The following MYO18B variants were observed in gnomAD, a reference collection of about 807,000 sequenced individuals.
MYO18B encodes the protein unconventional myosin-XVIIIb.
In MYO18B, 204 loss-of-function variants were observed where a neutral mutation model predicts 273.0. The observed-to-expected ratio is 0.75, with a 90% CI of 0.67 to 0.84. MYO18B has a LOEUF of 0.84. Ranked by LOEUF, MYO18B falls within the 40% of genes least tolerant of loss-of-function variation. The probability of loss-of-function intolerance (pLI) is 0.00; values close to 1 mark genes in which losing one functional copy is unlikely to be tolerated. For missense variants in MYO18B, 3,212 were observed against 3,287.6 expected, an observed-to-expected ratio of 0.98 and a Z score of 0.56; for synonymous variants, 1,330 against 1,305.7, an observed-to-expected ratio of 1.02 and a Z score of -0.40.
In MYO18B at chr22:25,999,416, T is replaced by A. The variant is rs1933677257; in HGVS notation, c.6288-3849T>A. Among the ~76,000 whole-genome samples the A allele has an allele frequency of 2.6e-5, 4 of 152,182 alleles. No individual in the cohort carries two copies. In the South Asian group the frequency reaches 8.3e-4, roughly 32 times the overall value. Reference sequence around the variant, plus strand: ...TAGACTGGAATTGTCTGGCAAAGACTGACCCTAAAGAAGTACAGCTGAAGA... The same window carrying A: ...TAGACTGGAATTGTCTGGCAAAGACAGACCCTAAAGAAGTACAGCTGAAGA... On this transcript the variant is annotated intron_variant, in intron 40 of 43. Coordinates refer to ENST00000335473, the MANE Select transcript of MYO18B (RefSeq NM_032608.7).
At chr22:25,999,124 A>T (rs950739453) in intron 40 of MYO18B, among the ~76,000 whole-genome samples, 5 of 152,232 alleles carry the variant, frequency 3.3e-5, no homozygotes, top group African/African-American at 1.2e-4. Context: ...CAGTTTGCAG[A>T]TGAAGAAACT....
chr22:25,969,475 A>G (rs773132002), intron 39 of MYO18B, among the ~76,000 whole-genome samples: 1 of 152,208 alleles, frequency 6.6e-6, no homozygotes, highest in Non-Finnish European at 1.5e-5. Flanking sequence ...ATAAAGTTTT[A>G]TTAAGACATA....
chr22:25,803,847 C>T (rs1055516137), intron 12 of MYO18B, among the ~76,000 whole-genome samples: 6 of 152,044 alleles, frequency 3.9e-5, no homozygotes, highest in Non-Finnish European at 7.4e-5. Context: ...TAAACCAGTC[C>T]TCTGGGTCTG....
chr22:26,042,446 G>A, the MYO18B span, among the ~76,000 whole-genome samples: 1 of 152,210 alleles, frequency 6.6e-6, no homozygotes, highest in Non-Finnish European at 1.5e-5. Context: ...CTGTTTGGGG[G>A]AGCCCAGTGG....
At chr22:25,927,073 G>A (rs898554458) in intron 34 of MYO18B, among the ~76,000 whole-genome samples, 16 of 152,114 alleles carry the variant, frequency 1.1e-4, no homozygotes, top group African/African-American at 3.1e-4. Flanking sequence ...GATGTATATC[G>A]CCTCAGGACC....
Position 26,027,768 on chromosome 22 carries a change from C to T in MYO18B, c.*12+78C>T. On this transcript the variant is annotated intron_variant, in intron 43 of 43. Coordinates refer to ENST00000335473, the MANE Select transcript of MYO18B (RefSeq NM_032608.7). The surrounding 1 kb of genome is among the most constrained non-coding windows in gnomAD (Gnocchi z 4.1). The stretch of plus-strand genomic sequence containing the variant: ...GCCTTGGGGAGAGCAGGTGCCACTA[C>T]TGTCCTTAATGCCACAACCGATTTC... 1 of 1,413,276 alleles carries T rather than the reference C, an allele frequency of 7.1e-7. No individual in the cohort carries two copies. The highest frequency in any genetic ancestry group is 9.4e-7 in the Non-Finnish European group (1 of 1,063,592). The allele number at this position is 1,413,276 out of a possible 1,614,324, so 87.5% of individuals were successfully genotyped here.
At chr22:25,795,374 T>C (rs1321973193) in intron 11 of MYO18B, among the ~76,000 whole-genome samples, 2 of 152,242 alleles carry the variant, frequency 1.3e-5, no homozygotes, top group Non-Finnish European at 2.9e-5. Context: ...TTGATCCATG[T>C]CTTCTGTTCA....
At position 26,022,782 on chromosome 22, in the gene MYO18B, A is replaced by C. The variant is rs189169847; in HGVS notation, c.6471-3663A>C. 2.2e-4 allele frequency among the ~76,000 whole-genome samples: 33 copies of C among 152,330 alleles called. No individual in the cohort carries two copies. The East Asian group carries it at 4.8e-3, about 22-fold the overall frequency. On this transcript the variant is annotated intron_variant, in intron 42 of 43. Coordinates refer to ENST00000335473, the MANE Select transcript of MYO18B (RefSeq NM_032608.7). ...CCCCATGACAGCCAGGCTAGGCCTGAGTGGCTGTGCTGGGACATCTTGGCT... is the reference window on the plus strand; with the variant it reads ...CCCCATGACAGCCAGGCTAGGCCTGCGTGGCTGTGCTGGGACATCTTGGCT...
chr22:25,779,525 C>T (rs980016550), intron 8 of MYO18B, among the ~76,000 whole-genome samples: 1 of 152,212 alleles, frequency 6.6e-6, no homozygotes, highest in African/African-American at 2.4e-5. Flanking sequence ...TGGGAAGAGG[C>T]ACAGTCTCTC....
chr22:25,795,112 A>AGC (rs2087852789), intron 11 of MYO18B, among the ~76,000 whole-genome samples: 2 of 152,138 alleles, frequency 1.3e-5, no homozygotes, highest in Non-Finnish European at 1.5e-5. Context: ...ATTGCTGTGT[A>AGC]GTGCTCCATC....
intron 36 of MYO18B, among the ~76,000 whole-genome samples, chr22:25,948,889 T>G (rs1394511759): frequency 1.3e-5 from 2 of 151,786 alleles, no homozygotes; most frequent in Non-Finnish European, 2.9e-5. Flanking sequence ...TGGATGGAGA[T>G]CTGAACAAAG....
intron 12 of MYO18B, among the ~76,000 whole-genome samples, chr22:25,817,537 C>T (rs1317636637): frequency 6.6e-6 from 1 of 151,860 alleles, no homozygotes; most frequent in Non-Finnish European, 1.5e-5. Context: ...CAGCCTGCCT[C>T]TTACCAAAGG....
rs369597886 is a variant in MYO18B at position 25,792,643 on chromosome 22, C to T, written c.2377-5310C>T. On this transcript the variant is annotated intron_variant, in intron 11 of 43. Coordinates refer to ENST00000335473, the MANE Select transcript of MYO18B (RefSeq NM_032608.7). ...CCTAGGAGCTGGGACTATAGGTGCG[C>T]GCCACCATGCCCAGCTAATTTTTTT... 1.4e-3 allele frequency among the ~76,000 whole-genome samples: 213 copies of T among 151,730 alleles called. 9 individuals carry two copies. The South Asian group carries it at 0.042, about 30-fold the overall frequency.
intron 1 of MYO18B, among the ~76,000 whole-genome samples, chr22:25,755,395 G>A (rs576629549): frequency 1.3e-5 from 2 of 152,202 alleles, no homozygotes; most frequent in East Asian, 3.9e-4. Context: ...TAGTAGAGAC[G>A]AGCTTTCTCC....
intron 39 of MYO18B, among the ~76,000 whole-genome samples, chr22:25,986,002 G>A (rs1300827906): frequency 2.6e-5 from 4 of 152,152 alleles, no homozygotes; most frequent in Non-Finnish European, 4.4e-5. Context: ...AGTGACCCTC[G>A]GACAATTTGA....
chr22:25,801,139 G>T (rs1466921397), intron 12 of MYO18B, among the ~76,000 whole-genome samples: 1 of 151,934 alleles, frequency 6.6e-6, no homozygotes, highest in African/African-American at 2.4e-5. Context: ...TCATTAATCA[G>T]GTTTTTTTTT....
downstream of MYO18B, among the ~76,000 whole-genome samples, chr22:26,032,430 G>A (rs189163306): frequency 5.3e-5 from 8 of 151,522 alleles, no homozygotes; most frequent in South Asian, 4.2e-4. Context: ...CACCTCTGGC[G>A]TCTCTCTGTG....
chr22:26,017,100 A>C (rs1180107726), intron 42 of MYO18B, among the ~76,000 whole-genome samples: 59 of 90,400 alleles, frequency 6.5e-4, no homozygotes, highest in African/African-American at 1.8e-3. Context: ...TCCCTCCCTC[A>C]CTCACTCACT....
In MYO18B at chr22:25,843,719, C is replaced by A; in HGVS notation, c.3209-16C>A. Reference sequence around the variant, plus strand: ...TCAACAGGCTCCAGCACTCATGCCACCATGTCTGTTTCCAGGGTCCTCTGC... The same window carrying A: ...TCAACAGGCTCCAGCACTCATGCCAACATGTCTGTTTCCAGGGTCCTCTGC... On this transcript the variant is annotated splice_polypyrimidine_tract_variant and intron_variant, in intron 17 of 43. Transcript: ENST00000335473. 1 of 1,609,058 alleles carries A rather than the reference C, an allele frequency of 6.2e-7. No homozygotes were observed.
Sources: gnomAD v4.1 joint callset for allele counts (sites outside exome capture counted in the v4.1 genomes callset) on GRCh38, gnomAD v4.1.1 for gene constraint, Gnocchi (gnomAD v3.1) non-coding constraint, MANE v1.5 for transcripts, NCBI Gene and HGNC (gene_info 2026-07-23, HGNC 2026-07-21) for gene names.